The following PLAA variants were observed in gnomAD, a reference collection of about 807,000 sequenced individuals.
The protein encoded by PLAA is phospholipase A2 activating protein.
A neutral mutation model predicts 84.1 loss-of-function variants in PLAA; 48 were observed. The observed-to-expected ratio is 0.57, with a 90% CI of 0.45 to 0.73. PLAA has a LOEUF of 0.73. Among genes scored for constraint, PLAA ranks in the 30% least tolerant of loss-of-function variants. The probability of loss-of-function intolerance (pLI) is 0.00; values close to 1 mark genes in which losing one functional copy is unlikely to be tolerated. For synonymous variants in PLAA, 392 were observed against 336.6 expected (o/e 1.16, Z -1.80); for missense variants, 903 against 954.7 (o/e 0.95, Z 0.71).
intron 1 of PLAA, among the ~76,000 whole-genome samples, chr9:26,938,718 T>C (rs911435362): frequency 2.0e-4 from 31 of 152,144 alleles, no homozygotes; most frequent in Non-Finnish European, 1.8e-4. Context: ...AATACGATAG[T>C]GGTTTATAAC....
intron 1 of PLAA, among the ~76,000 whole-genome samples, chr9:26,936,250 G>GA (rs148917351): frequency 0.11 from 16,386 of 147,870 alleles, 904 homozygotes; most frequent in Middle Eastern, 0.24. Context: ...CAAGGAGAAT[G>GA]AAAAAAAAAA....
chr9:26,907,954 ACTT>A lies in PLAA; in HGVS notation c.1699_1701del (p.Lys567del), dbSNP rs1414332888. On this transcript the variant is annotated inframe_deletion, in exon 13 of 14. Coordinates refer to ENST00000397292, the MANE Select transcript of PLAA (RefSeq NM_001031689.3). ...AGAAGTATCAAGTCATCCTCAGTTAACTTCTTCTCTTCAGGTGCAGTTCCATTA... is the reference window on the plus strand; with the variant it reads ...AGAAGTATCAAGTCATCCTCAGTTAACTTCTCTTCAGGTGCAGTTCCATTA... 1 of 1,608,592 alleles carries A rather than the reference ACTT, an allele frequency of 6.2e-7. No homozygotes were observed. The highest frequency in any genetic ancestry group is 8.5e-7 in the Non-Finnish European group (1 of 1,178,714).
chr9:26,927,121 G>GTTTTTCTTTT (rs1441022090), intron 4 of PLAA, among the ~76,000 whole-genome samples: 1 of 111,148 alleles, frequency 9.0e-6, no homozygotes, highest in African/African-American at 4.1e-5. Context: ...TACTTTTTTT[G>GTTTTTCTTTT]TTTTTCTTTT....
At chr9:26,923,528 A>T (rs1289038779) in intron 6 of PLAA, among the ~76,000 whole-genome samples, 181 bp from the exon 7 acceptor site, 2 of 152,246 alleles carry the variant, frequency 1.3e-5, no homozygotes. Flanking sequence ...TATGTCAACT[A>T]TTTAATAGAG....
At chr9:26,918,327 G>A (rs904655390) in intron 9 of PLAA, among the ~76,000 whole-genome samples, 21 of 139,176 alleles carry the variant, frequency 1.5e-4, no homozygotes, top group Non-Finnish European at 2.4e-4. Context: ...ACAGGGTTTC[G>A]CTATGTTGGC....
chr9:26,938,071 AT>A (rs1433837923), intron 1 of PLAA, among the ~76,000 whole-genome samples: 1 of 152,198 alleles, frequency 6.6e-6, no homozygotes, highest in Admixed American at 6.5e-5. Flanking sequence ...AAGAAGATAA[AT>A]TCAAAGAGAC....
At chr9:26,926,322 C>T (rs1824960272) in intron 5 of PLAA, 71 bp downstream of exon 5, 2 of 965,286 alleles carry the variant, frequency 2.1e-6, no homozygotes, top group Non-Finnish European at 3.2e-6. Context: ...GCTCTCCTCC[C>T]TCCATCTCAC....
intron 2 of PLAA, among the ~76,000 whole-genome samples, chr9:26,934,475 CTTTTTT>C (rs67138338): frequency 5.0e-4 from 47 of 93,318 alleles, no homozygotes; most frequent in African/African-American, 1.1e-3. Context: ...GAACACTTTA[CTTTTTT>C]TTTTTTTTTT....
At chr9:26,913,841 A>G in intron 11 of PLAA, 38 bp downstream of exon 11, 1 of 1,430,076 alleles carries the variant, frequency 7.0e-7, no homozygotes, top group Non-Finnish European at 9.6e-7. Context: ...CGAATTTTTA[A>G]AATCTAAAAA....
rs930910232 is a variant in PLAA, at chr9:26,947,240, C to A, written c.-195G>T. ...CGAGCGGGCCGAGTGACACAGCAAG[C>A]CTGACAGGCACTCCGGAATTCATCA... On this transcript the variant is annotated 5_prime_UTR_variant, in exon 1 of 14. Transcript: ENST00000397292. 14 of 586,346 alleles carry A rather than the reference C, an allele frequency of 2.4e-5. No individual in the cohort carries two copies. Among genetic ancestry groups the A allele is most frequent in the Non-Finnish European group, 2.6e-5 (9 of 345,680 alleles). 36.3% of individuals were successfully genotyped at this position (586,346 alleles called of 1,614,324 possible).
At chr9:26,916,093 T>C (rs904791011) in intron 10 of PLAA, 1 of 985,318 alleles carries the variant, frequency 1.0e-6, no homozygotes, top group Non-Finnish European at 1.2e-6. Flanking sequence ...CATTTCCATC[T>C]GGGCCATCAA....
At chr9:26,910,572 A>C in intron 11 of PLAA, 133 bp from the exon 12 acceptor site, 2 of 477,970 alleles carry the variant, frequency 4.2e-6, no homozygotes, top group Non-Finnish European at 7.2e-6. Context: ...AAGGAACCTC[A>C]AGGGGAAAAA....
At chr9:26,946,530 G>C (rs1378237055) in intron 1 of PLAA, among the ~76,000 whole-genome samples, 2 of 144,060 alleles carry the variant, frequency 1.4e-5, no homozygotes, top group Admixed American at 7.1e-5. Context: ...AAAAAAAAGA[G>C]GACATTTCAG....
intron 1 of PLAA, among the ~76,000 whole-genome samples, chr9:26,943,546 T>C (rs1236964171): frequency 6.6e-6 from 1 of 152,186 alleles, no homozygotes. Flanking sequence ...GTGGTACTGA[T>C]TCAAATTTAC....
At chr9:26,921,056 T>C (rs746356435) in intron 7 of PLAA, among the ~76,000 whole-genome samples, 2 of 152,112 alleles carry the variant, frequency 1.3e-5, no homozygotes, top group Non-Finnish European at 2.9e-5. Context: ...TCTTGAGTAG[T>C]GTACAAGACC....
chr9:26,921,394 T>A (rs1824754101), intron 7 of PLAA, among the ~76,000 whole-genome samples: 1 of 152,232 alleles, frequency 6.6e-6, no homozygotes, highest in Non-Finnish European at 1.5e-5. Flanking sequence ...TGATGTCACA[T>A]TACTGAGTAA....
At chr9:26,939,291 G>C (rs908552009) in intron 1 of PLAA, among the ~76,000 whole-genome samples, 4 of 152,052 alleles carry the variant, frequency 2.6e-5, no homozygotes, top group African/African-American at 9.7e-5. Flanking sequence ...GGGAGGCTGA[G>C]GCAGGAGAAT....
At chr9:26,910,550 C>T (rs929364536) in intron 11 of PLAA, 111 bp from the exon 12 acceptor site, 11 of 601,730 alleles carry the variant, frequency 1.8e-5, no homozygotes, top group Middle Eastern at 4.8e-4. Context: ...CTATTCAGTG[C>T]GTGCAATAAA....
In PLAA at chr9:26,925,910, C is replaced by T; in HGVS notation, c.784G>A (p.Glu262Lys). Residue 262 changes from glutamate to lysine, a missense_variant, in exon 6 of 14, where the codon GAA becomes AAA. Transcript: ENST00000397292. ...GGAAGTCGGATAGTTTGAGCACATT[C>T]CCCATGTTTCCAGATTCTCAGAGAT... The part of the protein sequence containing the change: ...DRSLRIWKHG[E>K]CAQTIRLPAQ... 6.2e-7 allele frequency: 1 copy of T among 1,613,282 alleles called. No homozygotes were observed. The highest frequency in any genetic ancestry group is 1.1e-5 in the South Asian group (1 of 91,058).
Sources: gnomAD v4.1 joint callset for allele counts (sites outside exome capture counted in the v4.1 genomes callset) on GRCh38, gnomAD v4.1.1 for gene constraint, MANE v1.5 for transcripts, NCBI Gene and HGNC (gene_info 2026-07-23, HGNC 2026-07-21) for gene names.